TMTC3: variants seen among roughly 807,000 people sequenced by gnomAD.
TMTC3 encodes the protein transmembrane O-mannosyltransferase targeting cadherins 3.
Under a neutral mutation model 92.2 loss-of-function variants are expected in TMTC3, and 52 were observed. The observed-to-expected ratio is 0.56, with a 90% CI of 0.45 to 0.71. TMTC3 has a LOEUF of 0.71. Ranked by LOEUF, TMTC3 falls within the 30% of genes least tolerant of loss-of-function variation. The pLI, the probability that TMTC3 is intolerant of heterozygous loss-of-function variation, is 0.00. For synonymous variants in TMTC3, 339 were observed against 363.3 expected, an observed-to-expected ratio of 0.93 and a Z score of 0.76; for missense variants, 896 against 1,057.1, an observed-to-expected ratio of 0.85 and a Z score of 2.11.
intron 10 of TMTC3, among the ~76,000 whole-genome samples, chr12:88,182,714 A>G (rs1221433531): frequency 6.6e-6 from 1 of 152,070 alleles, no homozygotes; most frequent in Non-Finnish European, 1.5e-5. Flanking sequence ...ATAATCTTGT[A>G]TTTAGGAAAT....
chr12:88,192,767 C>T lies in TMTC3; in HGVS notation c.1870C>T (p.Leu624=). The T allele has an allele frequency of 1.9e-6, 3 of 1,613,398 alleles. No individual in the cohort carries two copies. The highest frequency in any genetic ancestry group is 1.7e-6 in the Non-Finnish European group (2 of 1,179,664). Residue 624 remains leucine (L), a synonymous_variant, in exon 13 of 14, where the codon CTG becomes TTG. Coordinates refer to ENST00000266712, the MANE Select transcript of TMTC3 (RefSeq NM_181783.4). ...NEALKNFNRA[L]ELNPKHKLAL... is the part of the protein sequence containing the mutation. ...AGCCCTAAAAAACTTTAATCGTGCT[C>T]TGGAACTAAATCCAAAGCATAAACT... is the stretch of plus-strand genomic sequence containing the variant.
intron 2 of TMTC3, among the ~76,000 whole-genome samples, chr12:88,149,355 T>G (rs554169630): frequency 6.6e-6 from 1 of 152,292 alleles, no homozygotes; most frequent in Admixed American, 6.5e-5. Flanking sequence ...ATATTAACTG[T>G]GTGAAATAGG....
intron 7 of TMTC3, among the ~76,000 whole-genome samples, chr12:88,171,567 G>A (rs2041205140): frequency 6.6e-6 from 1 of 152,150 alleles, no homozygotes. Context: ...ATTCTAAAGT[G>A]TATATGTACC....
Position 88,153,275 on chromosome 12 carries a change from C to A in TMTC3, c.190-16C>A. 1 of 1,585,652 alleles carries A rather than the reference C, an allele frequency of 6.3e-7. No individual in the cohort carries two copies. Among genetic ancestry groups the A allele is most frequent in the South Asian group, 1.1e-5 (1 of 87,920 alleles). On this transcript the variant is annotated splice_polypyrimidine_tract_variant and intron_variant, in intron 2 of 13. Transcript: ENST00000266712. The stretch of plus-strand genomic sequence containing the variant: ...CCAAGGTACTTTAATAATCACTGAT[C>A]GTTTTTTCCTTGTAGGAGAGAAGCC...
At chr12:88,153,154 T>TA (rs1201143364) in intron 2 of TMTC3, 137 bp from the exon 3 acceptor site, 3 of 595,072 alleles carry the variant, frequency 5.0e-6, no homozygotes, top group South Asian at 2.5e-5. Flanking sequence ...GTGTTACTCT[T>TA]ACGACATTTC....
At chr12:88,151,819 A>G (rs2040946675) in intron 2 of TMTC3, among the ~76,000 whole-genome samples, 1 of 152,224 alleles carries the variant, frequency 6.6e-6, no homozygotes, top group Admixed American at 6.5e-5. Context: ...AGTTCAGTAC[A>G]GTGCCTTAAA....
chr12:88,150,606 A>G (rs184865226), intron 2 of TMTC3, among the ~76,000 whole-genome samples: 4 of 152,110 alleles, frequency 2.6e-5, no homozygotes, highest in East Asian at 1.9e-4. Context: ...TTAAGAGTGA[A>G]GAGTGTAGTT....
intron 1 of TMTC3, among the ~76,000 whole-genome samples, chr12:88,146,591 T>TTG (rs147128254): frequency 0.72 from 103,332 of 142,940 alleles, 41,773 homozygotes; most frequent in East Asian, 0.9. Context: ...ACCTATATAT[T>TTG]TGTGTGTGTG....
chr12:88,144,976 T>C (rs2040854719), intron 1 of TMTC3, among the ~76,000 whole-genome samples: 1 of 152,228 alleles, frequency 6.6e-6, no homozygotes, highest in Non-Finnish European at 1.5e-5. Context: ...AGAACACTTG[T>C]CTGGACCTGC....
intron 10 of TMTC3, among the ~76,000 whole-genome samples, chr12:88,185,719 T>TTTTTTTTTTTTTTTTTTTTG: frequency 6.6e-6 from 1 of 152,092 alleles, no homozygotes. Context: ...CTGCCTTTCT[T>TTTTTTTTTTTTTTTTTTTTG]AATTCTTCAT....
chr12:88,186,628 C>T (rs746849011), intron 10 of TMTC3, among the ~76,000 whole-genome samples: 1 of 152,044 alleles, frequency 6.6e-6, no homozygotes, highest in African/African-American at 2.4e-5. Context: ...TTTCTTTAGT[C>T]ATTTAAATGT....
At chr12:88,189,057 AAGTT>A in intron 11 of TMTC3, 111 bp downstream of exon 11, 1 of 655,462 alleles carries the variant, frequency 1.5e-6, no homozygotes, top group Admixed American at 3.3e-5. Context: ...ATATAAAAGT[AAGTT>A]TTATAAAGAA....
Position 88,198,439 on chromosome 12 carries a change from C to A in TMTC3, c.*2790C>A, listed in dbSNP as rs1241256167. 5.0e-6 allele frequency: 2 copies of A among 397,934 alleles called. No individual in the cohort carries two copies. The highest frequency in any genetic ancestry group is 4.1e-5 in the African/African-American group (2 of 48,588). 24.7% of individuals were successfully genotyped at this position (397,934 alleles called of 1,614,324 possible). A position where few individuals can be genotyped will look rare whatever the true frequency, so the allele number is the denominator to read the frequency against. ...TGACAATCCCCAAGGGGCAGTGTTACCTTACTCCTTCACTGCTTCTTAGAA... is the reference window on the plus strand; with the variant it reads ...TGACAATCCCCAAGGGGCAGTGTTAACTTACTCCTTCACTGCTTCTTAGAA... On this transcript the variant is annotated 3_prime_UTR_variant, in exon 14 of 14. Coordinates refer to ENST00000266712, the MANE Select transcript of TMTC3 (RefSeq NM_181783.4).
intron 13 of TMTC3, among the ~76,000 whole-genome samples, chr12:88,193,144 A>T (rs1411263739): frequency 6.6e-6 from 1 of 152,136 alleles, no homozygotes; most frequent in Non-Finnish European, 1.5e-5. Flanking sequence ...TAACTTATAT[A>T]TAAACTCTCC....
chr12:88,166,042 G>T (rs935601290), intron 6 of TMTC3, among the ~76,000 whole-genome samples: 5 of 152,104 alleles, frequency 3.3e-5, no homozygotes, highest in Admixed American at 2.0e-4. Flanking sequence ...TTGCAGTGTT[G>T]TAATATTATA....
chr12:88,148,088 C>A (rs1428866861), intron 1 of TMTC3, among the ~76,000 whole-genome samples, 200 bp from the exon 2 acceptor site: 1 of 151,950 alleles, frequency 6.6e-6, no homozygotes, highest in Non-Finnish European at 1.5e-5. Flanking sequence ...ACATAATGTC[C>A]CCGTTATCAG....
chr12:88,189,871 A>G (rs1399379665), intron 11 of TMTC3, among the ~76,000 whole-genome samples: 2 of 152,158 alleles, frequency 1.3e-5, no homozygotes, highest in Non-Finnish European at 2.9e-5. Flanking sequence ...TAGATATGAT[A>G]AAAACCAATA....
intron 2 of TMTC3, among the ~76,000 whole-genome samples, chr12:88,151,421 T>A (rs920155057): frequency 5.3e-5 from 8 of 152,210 alleles, no homozygotes; most frequent in Non-Finnish European, 8.8e-5. Context: ...ATATCATGAG[T>A]AATTTTTTCT....
At position 88,194,801 on chromosome 12, in the gene TMTC3, A is replaced by T. The variant is rs372935359; in HGVS notation, c.1934-37A>T. ...TTTGTTCCTCACATTTAATTATTTT[A>T]TTAACAATATATTTTTTCTTTAAAA... On this transcript the variant is annotated intron_variant, in intron 13 of 13. Coordinates refer to ENST00000266712, the MANE Select transcript of TMTC3 (RefSeq NM_181783.4). The T allele has an allele frequency of 3.8e-5, 50 of 1,299,264 alleles. No individual in the cohort carries two copies. The African/African-American group carries it at 7.4e-4, about 19-fold the overall frequency. The allele number at this position is 1,299,264 out of a possible 1,614,324, so 80.5% of individuals were successfully genotyped here.
Sources: allele counts gnomAD v4.1 joint callset (sites outside exome capture counted in the v4.1 genomes callset), GRCh38; gene constraint gnomAD v4.1.1; transcripts MANE v1.5; gene names NCBI Gene and HGNC (gene_info 2026-07-23, HGNC 2026-07-21).